ATAD2: variants seen among roughly 807,000 people sequenced by gnomAD.
ATAD2 encodes ATPase family AAA domain-containing protein 2.
ATAD2 carries 62 observed loss-of-function variants against 168.9 expected under a neutral mutation model. That is an observed-to-expected ratio of 0.37 (90% CI 0.30 to 0.45). The LOEUF (loss-of-function observed/expected upper bound fraction) is 0.45, where lower values mean the gene tolerates loss of function less well. Among genes scored for constraint, ATAD2 ranks in the 20% least tolerant of loss-of-function variants. The probability of loss-of-function intolerance (pLI) is 1.00; values close to 1 mark genes in which losing one functional copy is unlikely to be tolerated. For missense variants in ATAD2, 1,419 were observed against 1,667.8 expected, an observed-to-expected ratio of 0.85 and a Z score of 2.60; for synonymous variants, 613 against 571.6, an observed-to-expected ratio of 1.07 and a Z score of -1.03.
chr8:123,368,296 T>C (rs989751513), intron 8 of ATAD2, among the ~76,000 whole-genome samples: 5 of 152,098 alleles, frequency 3.3e-5, no homozygotes, highest in African/African-American at 1.2e-4. Flanking sequence ...CAGGTACCTG[T>C]AGTCCCAGCT....
At chr8:123,337,589 C>T (rs761003632) in intron 21 of ATAD2, 36 bp downstream of exon 21, 1 of 1,525,794 alleles carries the variant, frequency 6.6e-7, no homozygotes, top group Non-Finnish European at 8.9e-7. Context: ...AGCATTATGG[C>T]CTAGAATACA....
chr8:123,358,170 T>G (rs1467866306), intron 11 of ATAD2, among the ~76,000 whole-genome samples: 2 of 152,164 alleles, frequency 1.3e-5, no homozygotes, highest in Admixed American at 6.6e-5. Context: ...TAAATGTTAT[T>G]TAATATTAAT....
At chr8:123,372,160 T>C (rs1393920244) in intron 3 of ATAD2, among the ~76,000 whole-genome samples, 1 of 152,172 alleles carries the variant, frequency 6.6e-6, no homozygotes, top group African/African-American at 2.4e-5. Flanking sequence ...TTGTGGTATA[T>C]CCATATAATG....
At chr8:123,329,746 CAAAAAAAA>C (rs68104102) in intron 24 of ATAD2, among the ~76,000 whole-genome samples, 5 of 84,386 alleles carry the variant, frequency 5.9e-5, no homozygotes, top group Non-Finnish European at 6.2e-5. Flanking sequence ...AACTCCGTCT[CAAAAAAAA>C]AAAAAAAAAA....
chr8:123,396,484 G>A (rs1343972669), upstream of ATAD2: 11 of 1,056,768 alleles, frequency 1.0e-5, no homozygotes, highest in East Asian at 1.9e-4. Context: ...CGCAGCGCGC[G>A]CGCCCAGAAT....
intron 1 of ATAD2, among the ~76,000 whole-genome samples, chr8:123,390,090 T>C (rs1484910783): frequency 1.3e-5 from 2 of 150,708 alleles, no homozygotes; most frequent in Non-Finnish European, 3.0e-5. Context: ...GCAATTCTCC[T>C]GCCTCAGCCT....
In ATAD2 at chr8:123,372,680, C is replaced by T. The variant is rs372159107; in HGVS notation, c.327G>A (p.Leu109=). 6.3e-7 allele frequency: 1 copy of T among 1,583,906 alleles called. No homozygotes were observed. Among genetic ancestry groups the T allele is most frequent in the Non-Finnish European group, 8.6e-7 (1 of 1,166,668 alleles). The change falls in exon 3 of 28, where the codon TTG becomes TTA. Residue 109 remains leucine, a synonymous_variant. Transcript: ENST00000287394. ...LANGRHFTRQ[L]ARQQADKKKE... Reference sequence around the variant, plus strand: ...TTTTTTTATCAGCCTGCTGTCTGGCCAACTGCCTATATTTTAAAAAATTAG... The same window carrying T: ...TTTTTTTATCAGCCTGCTGTCTGGCTAACTGCCTATATTTTAAAAAATTAG...
chr8:123,327,108 C>T (rs1449105700), intron 25 of ATAD2, among the ~76,000 whole-genome samples: 4 of 152,012 alleles, frequency 2.6e-5, no homozygotes, highest in African/African-American at 9.7e-5. Flanking sequence ...AGGGTTTCAC[C>T]ATATAGGCCA....
intron 1 of ATAD2, among the ~76,000 whole-genome samples, chr8:123,403,771 G>C (rs374062575): frequency 6.6e-6 from 1 of 152,190 alleles, no homozygotes; most frequent in Admixed American, 6.5e-5. Context: ...TGGCGGCCTG[G>C]ACTAGTGGCA....
intron 8 of ATAD2, 80 bp from the exon 9 acceptor site, chr8:123,361,726 C>T: frequency 1.8e-6 from 2 of 1,124,398 alleles, no homozygotes; most frequent in Non-Finnish European, 2.6e-6. Context: ...TCAGAAATAC[C>T]TAATGCTCCA....
chr8:123,398,904 ATATT>A (rs1812961794), upstream of ATAD2, among the ~76,000 whole-genome samples: 1 of 152,262 alleles, frequency 6.6e-6, no homozygotes, highest in Non-Finnish European at 1.5e-5. Flanking sequence ...GAAAGGAACA[ATATT>A]TAAAGTAGTA....
intron 15 of ATAD2, among the ~76,000 whole-genome samples, chr8:123,347,641 G>A (rs1441486505): frequency 6.6e-6 from 1 of 152,074 alleles, no homozygotes; most frequent in East Asian, 1.9e-4. Flanking sequence ...ACTAAGTATA[G>A]CACAGAGGTC....
intron 1 of ATAD2, 100 bp from the exon 2 acceptor site, chr8:123,380,777 G>T: frequency 8.4e-7 from 1 of 1,195,760 alleles, no homozygotes. Flanking sequence ...AGTAAAAACT[G>T]CTTTTTGTGC....
intron 19 of ATAD2, among the ~76,000 whole-genome samples, chr8:123,343,869 T>C (rs1341387989): frequency 3.3e-5 from 5 of 152,196 alleles, no homozygotes; most frequent in Non-Finnish European, 5.9e-5. Context: ...TGAGGTGATA[T>C]CTGAGCAGAG....
chr8:123,361,402 C>A, intron 9 of ATAD2, 137 bp downstream of exon 9: 1 of 558,456 alleles, frequency 1.8e-6, no homozygotes, highest in Non-Finnish European at 3.3e-6. Context: ...AACAAGACAG[C>A]ATTCTAGTTT....
intron 10 of ATAD2, 53 bp downstream of exon 10, chr8:123,359,524 C>T (rs2131362735): frequency 6.7e-7 from 1 of 1,493,298 alleles, no homozygotes; most frequent in Non-Finnish European, 9.2e-7. Flanking sequence ...AACTTTAAAA[C>T]TAAAACAAAG....
intron 24 of ATAD2, among the ~76,000 whole-genome samples, chr8:123,331,207 T>C (rs762073819): frequency 1.4e-4 from 21 of 151,446 alleles, no homozygotes; most frequent in Non-Finnish European, 2.5e-4. Context: ...TCCCAAAGTG[T>C]TGGGATTACA....
chr8:123,397,113 C>G (rs1422505543), upstream of ATAD2, among the ~76,000 whole-genome samples: 1 of 151,868 alleles, frequency 6.6e-6, no homozygotes, highest in African/African-American at 2.4e-5. Context: ...AATTATTCAC[C>G]TCCCTGCATT....
In ATAD2 at chr8:123,346,691, C is replaced by G. The variant is rs200370560; in HGVS notation, c.2272G>C (p.Val758Leu). 3.0e-4 allele frequency: 479 copies of G among 1,595,920 alleles called. 1 individual carries two copies. The highest frequency in any genetic ancestry group is 6.3e-4 in the Admixed American group (36 of 57,134). ...TTCTGAGAAAGTCCATTTTCATAAA[C>G]TGATGGAACATCATCATCACTGTAA... ...LAYSDDDVPS[V>L]YENGLSQKSS... The change falls in exon 17 of 28, where the codon GTT (valine) becomes CTT (leucine). Residue 758 changes from valine (V) to leucine (L), a missense_variant. Around this residue, in one of 5 missense-constraint regions of ATAD2, gnomAD observed 545 missense variants for 724.9 expected, o/e 0.75. Coordinates refer to ENST00000287394, the MANE Select transcript of ATAD2 (RefSeq NM_014109.4).
Sources: gnomAD v4.1 joint callset for allele counts (sites outside exome capture counted in the v4.1 genomes callset) on GRCh38, gnomAD v4.1.1 for gene constraint, gnomAD v4.1.1 regional missense constraint, MANE v1.5 for transcripts, NCBI Gene and HGNC (gene_info 2026-07-23, HGNC 2026-07-21) for gene names.